Variants in DAB2IP observed in about 807,000 individuals in gnomAD.
DAB2IP encodes DAB2 interacting protein, also known as disabled homolog 2-interacting protein.
In DAB2IP, 28 loss-of-function variants were observed where a neutral mutation model predicts 107.2. That is an observed-to-expected ratio of 0.26 (90% confidence interval 0.19 to 0.36). DAB2IP has a LOEUF of 0.36. Among genes scored for constraint, DAB2IP ranks in the 10% least tolerant of loss-of-function variants. DAB2IP has a pLI of 1.00. For missense variants in DAB2IP, 1,400 were observed against 1,644.7 expected (o/e 0.85, Z 2.57); for synonymous variants, 755 against 706.4 (o/e 1.07, Z -1.09).
chr9:121,613,709 T>C (rs1014414662), intron 1 of DAB2IP, among the ~76,000 whole-genome samples: 1 of 152,202 alleles, frequency 6.6e-6, no homozygotes, highest in African/African-American at 2.4e-5. Flanking sequence ...CGCGGAGGGA[T>C]AGTTGAAAAG....
chr9:121,766,392 G>C (rs1834280603), intron 8 of DAB2IP, 102 bp from the exon 9 acceptor site: 2 of 1,083,028 alleles, frequency 1.8e-6, no homozygotes, highest in Non-Finnish European at 2.7e-6. Context: ...TCACGCAGCT[G>C]GCGGGGTAGA....
At chr9:121,687,214 C>G (rs902868792) in intron 2 of DAB2IP, among the ~76,000 whole-genome samples, 1 of 152,174 alleles carries the variant, frequency 6.6e-6, no homozygotes, top group South Asian at 2.1e-4. Context: ...AGCTCAGATC[C>G]GGGAGCACCT....
chr9:121,682,893 T>A (rs996462928), intron 2 of DAB2IP, among the ~76,000 whole-genome samples: 1 of 151,984 alleles, frequency 6.6e-6, no homozygotes, highest in African/African-American at 2.4e-5. Context: ...GGAGTGGCTC[T>A]CCAGGACCAC....
At chr9:121,771,937 A>T (rs1335418737) in intron 11 of DAB2IP, among the ~76,000 whole-genome samples, 1 of 151,088 alleles carries the variant, frequency 6.6e-6, no homozygotes, top group Non-Finnish European at 1.5e-5. Flanking sequence ...CTTTCTTCCA[A>T]GGAGCTAGCT....
At chr9:121,661,894 T>C (rs1833221807) in intron 1 of DAB2IP, among the ~76,000 whole-genome samples, 1 of 151,882 alleles carries the variant, frequency 6.6e-6, no homozygotes, top group Middle Eastern at 3.2e-3. Flanking sequence ...GGGTGGAGGA[T>C]TGCCTGGGCC....
chr9:121,715,817 G>A (rs185724714), intron 3 of DAB2IP, among the ~76,000 whole-genome samples: 1 of 152,234 alleles, frequency 6.6e-6, no homozygotes, highest in Non-Finnish European at 1.5e-5. Flanking sequence ...TCAGTTGTCT[G>A]CAGAGGTGGG....
At chr9:121,761,140 C>T (rs1316991935) in intron 6 of DAB2IP, among the ~76,000 whole-genome samples, 2 of 152,232 alleles carry the variant, frequency 1.3e-5, no homozygotes, top group Non-Finnish European at 2.9e-5. Flanking sequence ...GCCTCAGCCC[C>T]ACCTACCCGG....
chr9:121,733,373 G>A lies in DAB2IP; in HGVS notation c.363-23640G>A, dbSNP rs1589602544. ...TGCCTGGAGGTATTCCTTGACAGTC[G>A]TGGCCCAGACTCTCTTGTCATTCAA... On this transcript the variant is annotated intron_variant, in intron 3 of 15. Coordinates refer to ENST00000408936, the Ensembl canonical transcript of DAB2IP. 2.0e-5 allele frequency among the ~76,000 whole-genome samples: 3 copies of A among 152,346 alleles called. No individual in the cohort carries two copies. In the South Asian group the frequency reaches 6.2e-4, roughly 32 times the overall value.
At chr9:121,653,601 C>T (rs565872946) in intron 1 of DAB2IP, among the ~76,000 whole-genome samples, 2 of 152,242 alleles carry the variant, frequency 1.3e-5, no homozygotes, top group South Asian at 4.1e-4. Flanking sequence ...ACCCTGGGGC[C>T]TCTCCTTCTG....
At chr9:121,761,011 G>C (rs535846319) in intron 6 of DAB2IP, among the ~76,000 whole-genome samples, 1 of 152,162 alleles carries the variant, frequency 6.6e-6, no homozygotes, top group Non-Finnish European at 1.5e-5. Context: ...AGCGGGAATC[G>C]TCTGAGACCC....
rs376029463 is a variant in DAB2IP, at chr9:121,578,072, CT to C, written c.40+10845del. Among the ~76,000 whole-genome samples, 23 of 152,172 alleles carry C rather than the reference CT, an allele frequency of 1.5e-4. No homozygotes were observed. The East Asian group carries it at 4.3e-3, about 28-fold the overall frequency. ...GGGAATCTGGGGGGTGGGTGCCCTG[CT>C]CAGAGACCCTTTAGTCTCTCCTTTG... On this transcript the variant is annotated intron_variant, in intron 1 of 16. Coordinates refer to the DAB2IP transcript ENST00000259371.
chr9:121,611,836 C>T (rs1831108334), intron 1 of DAB2IP, among the ~76,000 whole-genome samples: 1 of 152,170 alleles, frequency 6.6e-6, no homozygotes, highest in Non-Finnish European at 1.5e-5. Context: ...CCACCTGCCT[C>T]GGCCTCCCAA....
intron 1 of DAB2IP, among the ~76,000 whole-genome samples, chr9:121,666,932 C>T (rs914159820): frequency 3.3e-5 from 5 of 150,006 alleles, no homozygotes; most frequent in South Asian, 2.1e-4. Flanking sequence ...CTTAAATAGA[C>T]GTACACAGAG....
chr9:121,768,628 G>A, exon 10 of DAB2IP: 1 of 1,613,654 alleles, frequency 6.2e-7, no homozygotes, highest in Non-Finnish European at 8.5e-7. Flanking sequence ...CAGCCAGCTG[G>A]AGCAGGTGCC....
At chr9:121,774,649 C>T (rs1245382316) in intron 13 of DAB2IP, among the ~76,000 whole-genome samples, 1 of 152,198 alleles carries the variant, frequency 6.6e-6, no homozygotes, top group Non-Finnish European at 1.5e-5. Flanking sequence ...TTGGAATCAC[C>T]AGGGAATTGT....
chr9:121,730,609 T>G (rs1831474918), intron 3 of DAB2IP, among the ~76,000 whole-genome samples: 1 of 152,180 alleles, frequency 6.6e-6, no homozygotes, highest in African/African-American at 2.4e-5. Flanking sequence ...TATTAGACAT[T>G]TAATGTCCAA....
intron 1 of DAB2IP, among the ~76,000 whole-genome samples, chr9:121,609,918 C>T (rs28658132): frequency 0.014 from 2,196 of 152,320 alleles, 71 homozygotes; most frequent in African/African-American, 0.049. Context: ...GAGCCAGCAA[C>T]GCCAAGCCTG....
intron 1 of DAB2IP, among the ~76,000 whole-genome samples, chr9:121,639,510 A>G (rs889752728): frequency 1.3e-5 from 2 of 152,154 alleles, no homozygotes; most frequent in African/African-American, 4.8e-5. Flanking sequence ...AGAACAAAGA[A>G]TGCCAGTCAC....
chr9:121,586,682 A>G (rs1338307018), intron 1 of DAB2IP, among the ~76,000 whole-genome samples: 1 of 152,030 alleles, frequency 6.6e-6, no homozygotes, highest in Non-Finnish European at 1.5e-5. Context: ...TAGCCAGGCA[A>G]GGTGGTGTAT....
Sources: allele counts gnomAD v4.1 joint callset (sites outside exome capture counted in the v4.1 genomes callset), GRCh38; gene constraint gnomAD v4.1.1; transcripts MANE v1.5; gene names NCBI Gene and HGNC (gene_info 2026-07-23, HGNC 2026-07-21).